The following GRM8 variants were observed in gnomAD, a reference collection of about 807,000 sequenced individuals.
GRM8 encodes glutamate metabotropic receptor 8, also known as metabotropic glutamate receptor 8.
A neutral mutation model predicts 87.2 loss-of-function variants in GRM8; 47 were observed. The observed-to-expected ratio is 0.54, with a 90% CI of 0.43 to 0.69. The LOEUF (loss-of-function observed/expected upper bound fraction) is 0.69. Ranked by LOEUF, GRM8 falls within the 30% of genes least tolerant of loss-of-function variation. GRM8 has a pLI of 0.00. For missense variants in GRM8, 1,019 were observed against 1,139.2 expected, an observed-to-expected ratio of 0.89 and a Z score of 1.52; for synonymous variants, 396 against 404.5, an observed-to-expected ratio of 0.98 and a Z score of 0.25.
intron 9 of GRM8, among the ~76,000 whole-genome samples, chr7:126,531,077 T>C (rs911464570): frequency 1.3e-5 from 2 of 152,200 alleles, no homozygotes; most frequent in Non-Finnish European, 2.9e-5. Flanking sequence ...GGACAGAGAA[T>C]AGCAGGTAGC....
chr7:126,668,778 T>C (rs565412783), intron 7 of GRM8, among the ~76,000 whole-genome samples: 1 of 152,242 alleles, frequency 6.6e-6, no homozygotes, highest in South Asian at 2.1e-4. Flanking sequence ...CTTTTAAAGT[T>C]TTTTTTTAGA....
chr7:126,813,095 G>A (rs1793453545), intron 6 of GRM8, among the ~76,000 whole-genome samples: 2 of 151,984 alleles, frequency 1.3e-5, no homozygotes, highest in South Asian at 2.1e-4. Context: ...GAAATAATCT[G>A]TACAACAAAC....
At chr7:126,473,461 C>T (rs1157716282) in intron 9 of GRM8, among the ~76,000 whole-genome samples, 2 of 152,156 alleles carry the variant, frequency 1.3e-5, no homozygotes, top group African/African-American at 4.8e-5. Context: ...GGTGTATTTA[C>T]CCAATGCCGG....
chr7:127,040,707 C>T (rs755840558), intron 3 of GRM8, among the ~76,000 whole-genome samples: 24 of 152,134 alleles, frequency 1.6e-4, no homozygotes, highest in Non-Finnish European at 2.8e-4. Flanking sequence ...TTACTAACCC[C>T]GGAATGGGAA....
At chr7:126,502,524 A>G (rs573162954) in intron 9 of GRM8, among the ~76,000 whole-genome samples, 3 of 152,212 alleles carry the variant, frequency 2.0e-5, no homozygotes, top group Admixed American at 2.0e-4. Context: ...TTTGACTTCA[A>G]AAGAAAGTTT....
intron 6 of GRM8, among the ~76,000 whole-genome samples, chr7:126,872,813 G>A (rs944623009): frequency 5.9e-5 from 9 of 151,910 alleles, no homozygotes; most frequent in Admixed American, 3.3e-4. Context: ...TTTCATCATC[G>A]AAGAAAATAA....
chr7:126,861,101 T>C lies in GRM8; in HGVS notation c.1156+41441A>G, dbSNP rs144125812. On this transcript the variant is annotated intron_variant, in intron 6 of 10. Transcript: ENST00000339582. ...TAGCTATTCTCCTGCTGTTAGATCA[T>C]GTACCACCAAAAATTAATTTTCCTA... 4.7e-4 allele frequency among the ~76,000 whole-genome samples: 71 copies of C among 152,276 alleles called. 1 individual carries two copies. The highest frequency in any genetic ancestry group is 1.6e-3 in the African/African-American group (67 of 41,578).
At chr7:126,471,308 G>T (rs28781955) in intron 9 of GRM8, among the ~76,000 whole-genome samples, 5,686 of 152,106 alleles carry the variant, frequency 0.037, 311 homozygotes, top group African/African-American at 0.12. Context: ...TTCTTCTAGG[G>T]TTTTTATGGT....
intron 6 of GRM8, among the ~76,000 whole-genome samples, chr7:126,828,614 T>C (rs1034729419): frequency 6.6e-6 from 1 of 152,180 alleles, no homozygotes; most frequent in African/African-American, 2.4e-5. Context: ...TCTTTATTAG[T>C]CTTGCTAGCA....
At chr7:127,086,715 G>A (rs188687347) in intron 3 of GRM8, among the ~76,000 whole-genome samples, 3 of 152,292 alleles carry the variant, frequency 2.0e-5, no homozygotes, top group Middle Eastern at 3.4e-3. Flanking sequence ...TGTTGTGTCC[G>A]TCTCCAGTGC....
chr7:127,035,563 C>G (rs1348429834), intron 3 of GRM8, among the ~76,000 whole-genome samples: 3 of 151,510 alleles, frequency 2.0e-5, no homozygotes, highest in African/African-American at 4.9e-5. Context: ...GCTTATCTCT[C>G]TAACTAAATA....
chr7:126,694,178 T>A lies in GRM8; in HGVS notation c.1357+75687A>T, dbSNP rs76965495. Among the ~76,000 whole-genome samples, 1,051 of 152,210 alleles carry A rather than the reference T, an allele frequency of 6.9e-3. 15 individuals carry two copies. The highest frequency in any genetic ancestry group is 0.024 in the African/African-American group (992 of 41,558). On this transcript the variant is annotated intron_variant, in intron 7 of 10. Coordinates refer to ENST00000339582, the MANE Select transcript of GRM8 (RefSeq NM_000845.3). The stretch of plus-strand genomic sequence containing the variant: ...GTCTATTTATATTTCCCTATGTGAT[T>A]CTGACTCAATTCCTCTACATTTAGA...
chr7:126,948,276 G>A (rs1012473728), intron 3 of GRM8, among the ~76,000 whole-genome samples: 1 of 151,800 alleles, frequency 6.6e-6, no homozygotes, highest in African/African-American at 2.4e-5. Flanking sequence ...TCATGGAGGA[G>A]GATATAATTG....
chr7:127,182,261 T>A (rs997857695), intron 2 of GRM8, among the ~76,000 whole-genome samples: 3 of 152,042 alleles, frequency 2.0e-5, no homozygotes, highest in African/African-American at 7.2e-5. Flanking sequence ...ACATCACTAA[T>A]GATCAGGAAA....
At chr7:127,175,071 C>G (rs1443112826) in intron 2 of GRM8, among the ~76,000 whole-genome samples, 1 of 152,112 alleles carries the variant, frequency 6.6e-6, no homozygotes, top group Non-Finnish European at 1.5e-5. Context: ...AGAAAGTTTT[C>G]CTTGACTCCA....
intron 7 of GRM8, among the ~76,000 whole-genome samples, chr7:126,725,861 A>G (rs1318020190): frequency 6.6e-6 from 1 of 152,084 alleles, no homozygotes; most frequent in Non-Finnish European, 1.5e-5. Context: ...GGTGCCACAC[A>G]CTTTTACACA....
intron 2 of GRM8, among the ~76,000 whole-genome samples, chr7:127,191,143 T>C (rs1795008259): frequency 6.6e-6 from 1 of 152,218 alleles, no homozygotes; most frequent in Admixed American, 6.5e-5. Context: ...TAGATTTGTA[T>C]TTCTCATCTG....
chr7:127,050,940 A>T (rs1023900151), intron 3 of GRM8, among the ~76,000 whole-genome samples: 5 of 151,480 alleles, frequency 3.3e-5, no homozygotes, highest in Non-Finnish European at 7.4e-5. Flanking sequence ...ATTTCTGAGC[A>T]TAATTAAATG....
chr7:126,482,741 A>G lies in GRM8; in HGVS notation c.2431-36369T>C, dbSNP rs1208551051. ...ATGGTGGTGCTGATTGCACAACAAT[A>G]TGAATATACTTAGTATCACTGCACT... On this transcript the variant is annotated intron_variant, in intron 9 of 10. Transcript: ENST00000339582. Among the ~76,000 whole-genome samples the G allele has an allele frequency of 2.6e-5, 4 of 152,020 alleles. No homozygotes were observed. The East Asian group carries it at 7.7e-4, about 29-fold the overall frequency.
Sources: allele counts gnomAD v4.1 joint callset (sites outside exome capture counted in the v4.1 genomes callset), GRCh38; gene constraint gnomAD v4.1.1; transcripts MANE v1.5; gene names NCBI Gene and HGNC (gene_info 2026-07-23, HGNC 2026-07-21).